The following NIBAN3 variants were observed in gnomAD, a reference collection of about 807,000 sequenced individuals.
NIBAN3 encodes the protein protein Niban 3.
In NIBAN3, 66 loss-of-function variants were observed where a neutral mutation model predicts 76.4. The ratio of observed to expected loss-of-function variants is 0.86; its 90% CI spans 0.71 to 1.06. The LOEUF is 1.06. NIBAN3 is among the 50% of genes least tolerant of loss of function. The probability of loss-of-function intolerance (pLI) is 0.00; values close to 1 mark genes in which losing one functional copy is unlikely to be tolerated. For synonymous variants in NIBAN3, 360 were observed against 355.2 expected, an observed-to-expected ratio of 1.01 and a Z score of -0.15; for missense variants, 808 against 810.7, an observed-to-expected ratio of 1.00 and a Z score of 0.04.
At chr19:17,549,818 CT>C (rs2076124829) in intron 14 of NIBAN3, 2 of 518,550 alleles carry the variant, frequency 3.9e-6, no homozygotes, top group African/African-American at 2.0e-5. Flanking sequence ...CTCTCTCTCT[CT>C]CTCTCTCTTT....
At chr19:17,526,096 G>T (rs961576449), upstream of NIBAN3, among the ~76,000 whole-genome samples, 1 of 151,792 alleles carries the variant, frequency 6.6e-6, no homozygotes, top group African/African-American at 2.4e-5. Context: ...GGTGGATCAC[G>T]AGGTCAGGAG....
Position 17,537,166 on chromosome 19 carries a change from G to T in NIBAN3, c.428-210G>T, listed in dbSNP as rs151015375. Reference sequence around the variant, plus strand: ...GTTCTGGGATGGATTGGTGATGTCTGCCTTGGGCATGCAGTGGAAGAAGGT... The same window carrying T: ...GTTCTGGGATGGATTGGTGATGTCTTCCTTGGGCATGCAGTGGAAGAAGGT... On this transcript the variant is annotated intron_variant, in intron 4 of 14. Coordinates refer to ENST00000599164, the MANE Select transcript of NIBAN3 (RefSeq NM_001321827.2). 3.8e-3 allele frequency among the ~76,000 whole-genome samples: 573 copies of T among 152,284 alleles called. 1 individual carries two copies. The highest frequency in any genetic ancestry group is 6.7e-3 in the Admixed American group (102 of 15,292).
At position 17,534,519 on chromosome 19, in the gene NIBAN3, T is replaced by C. The variant is rs554963192; in HGVS notation, c.427+818T>C. Among the ~76,000 whole-genome samples, 23 of 151,198 alleles carry C rather than the reference T, an allele frequency of 1.5e-4. No individual in the cohort carries two copies. In the South Asian group the frequency reaches 4.8e-3, roughly 32 times the overall value. On this transcript the variant is annotated intron_variant, in intron 4 of 14. Transcript: ENST00000599164. ...AAAAATACAAAAGGTAGGCCGGGCG[T>C]GGTGGCTCACGCCTGTAATCCCAGC...
intron 12 of NIBAN3, among the ~76,000 whole-genome samples, chr19:17,544,789 T>A (rs2076019498): frequency 6.6e-6 from 1 of 152,106 alleles, no homozygotes; most frequent in Non-Finnish European, 1.5e-5. Context: ...CTAGAGGAAG[T>A]GGCTGGGAAT....
downstream of NIBAN3, among the ~76,000 whole-genome samples, chr19:17,555,104 C>A (rs1007982460): frequency 1.2e-4 from 19 of 152,132 alleles, no homozygotes; most frequent in Admixed American, 6.6e-5. Flanking sequence ...CACGCCAACC[C>A]TATAGGGTCT....
chr19:17,533,751 T>C (rs1025009992), intron 4 of NIBAN3, 50 bp downstream of exon 4: 1 of 1,341,966 alleles, frequency 7.5e-7, no homozygotes, highest in Non-Finnish European at 1.1e-6. Context: ...CCAGCATCAT[T>C]AACATGTGGG....
At chr19:17,535,774 C>T (rs554392376) in intron 4 of NIBAN3, among the ~76,000 whole-genome samples, 1 of 149,766 alleles carries the variant, frequency 6.7e-6, no homozygotes, top group South Asian at 2.1e-4. Context: ...CCAGGTGGCT[C>T]ACGCCTGCAG....
At chr19:17,533,327 T>C (rs2075763953) in intron 3 of NIBAN3, among the ~76,000 whole-genome samples, 1 of 151,520 alleles carries the variant, frequency 6.6e-6, no homozygotes, top group African/African-American at 2.4e-5. Flanking sequence ...GAAGAATCAC[T>C]TGAACTTGGG....
rs376315066 is a variant in NIBAN3, at chr19:17,538,135, C to T, written c.595+592C>T. ...GGTCTGTAAAAGATGAAGGACTAGC[C>T]GCTGGGCGCGGTGGCTCACACCTGT... is the stretch of plus-strand genomic sequence containing the variant. On this transcript the variant is annotated intron_variant, in intron 5 of 14. Coordinates refer to ENST00000599164, the MANE Select transcript of NIBAN3 (RefSeq NM_001321827.2). Among the ~76,000 whole-genome samples the T allele has an allele frequency of 2.6e-3, 397 of 151,020 alleles. 2 individuals carry two copies. Among genetic ancestry groups the T allele is most frequent in the African/African-American group, 8.8e-3 (364 of 41,160 alleles).
At chr19:17,523,349 G>T, upstream of NIBAN3, 2 of 1,242,180 alleles carry the variant, frequency 1.6e-6, no homozygotes, top group South Asian at 1.4e-5. Flanking sequence ...GGCTGTGCAG[G>T]GTGAGAGTGG....
upstream of NIBAN3, among the ~76,000 whole-genome samples, chr19:17,524,974 G>T (rs1287150955): frequency 1.3e-5 from 2 of 152,244 alleles, no homozygotes; most frequent in Non-Finnish European, 2.9e-5. Context: ...CCATTGGACA[G>T]CCATGGGCTC....
intron 1 of NIBAN3, among the ~76,000 whole-genome samples, chr19:17,527,727 TG>T (rs1454061173): frequency 2.0e-5 from 3 of 151,526 alleles, no homozygotes; most frequent in Admixed American, 6.6e-5. Flanking sequence ...TTTCATTGGT[TG>T]TTTTTTTTTT....
rs111555809 is a variant in NIBAN3 at position 17,532,188 on chromosome 19, C to T, written c.187-75C>T. On this transcript the variant is annotated intron_variant, in intron 2 of 14. Coordinates refer to ENST00000599164, the MANE Select transcript of NIBAN3 (RefSeq NM_001321827.2). ...ACCTTAGCGTCACCCCAGGATACAG[C>T]GGGTGTCTGGGTGGTCGGGCCACAG... 4.0e-3 allele frequency: 6,034 copies of T among 1,521,950 alleles called. 220 individuals carry two copies. In the African/African-American group the frequency reaches 0.075, roughly 19 times the overall value. The allele number at this position is 1,521,950 out of a possible 1,614,324, so 94.3% of individuals were successfully genotyped here. A position where few individuals can be genotyped will look rare whatever the true frequency, so the allele number is the denominator to read the frequency against.
chr19:17,554,506 G>A (rs1740548572), downstream of NIBAN3, among the ~76,000 whole-genome samples: 1 of 144,820 alleles, frequency 6.9e-6, no homozygotes, highest in South Asian at 2.1e-4. Flanking sequence ...ATAATAAGCT[G>A]GGCGCGGTGG....
At chr19:17,555,521 T>A, downstream of NIBAN3, 1 of 417,378 alleles carries the variant, frequency 2.4e-6, no homozygotes. Context: ...GGGCGGGGCG[T>A]CCTGGGTAGG....
intron 9 of NIBAN3, among the ~76,000 whole-genome samples, 189 bp from the exon 10 acceptor site, chr19:17,541,947 C>A (rs2075960398): frequency 6.6e-6 from 1 of 152,082 alleles, no homozygotes; most frequent in Admixed American, 6.6e-5. Flanking sequence ...GCCTCCCAAA[C>A]TGATGGGACT....
intron 1 of NIBAN3, among the ~76,000 whole-genome samples, chr19:17,530,469 G>A (rs2075698360): frequency 6.7e-6 from 1 of 148,154 alleles, no homozygotes; most frequent in Non-Finnish European, 1.5e-5. Context: ...GGAGGCAGAG[G>A]TTGCAGTGAG....
chr19:17,528,073 GT>G (rs368705922), intron 1 of NIBAN3, among the ~76,000 whole-genome samples: 8 of 147,998 alleles, frequency 5.4e-5, no homozygotes, highest in Middle Eastern at 3.4e-3. Context: ...CCCCTTTATG[GT>G]TTTTTTTTTG....
chr19:17,543,499 A>T, intron 11 of NIBAN3, 25 bp from the exon 12 acceptor site: 1 of 1,612,662 alleles, frequency 6.2e-7, no homozygotes, highest in South Asian at 1.1e-5. Flanking sequence ...TGGTTGCTGG[A>T]CGCACCGCTG....
Sources: allele counts gnomAD v4.1 joint callset (sites outside exome capture counted in the v4.1 genomes callset), GRCh38; gene constraint gnomAD v4.1.1; transcripts MANE v1.5; gene names NCBI Gene and HGNC (gene_info 2026-07-23, HGNC 2026-07-21).